SLC17A8: variants seen among roughly 807,000 people sequenced by gnomAD.
SLC17A8 encodes solute carrier family 17 member 8.
A neutral mutation model predicts 58.0 loss-of-function variants in SLC17A8; 31 were observed. The observed-to-expected ratio is 0.53, with a 90% confidence interval of 0.40 to 0.72. SLC17A8 has a LOEUF of 0.72. Ranked by LOEUF, SLC17A8 falls within the 30% of genes least tolerant of loss-of-function variation. The pLI, the probability that SLC17A8 is intolerant of heterozygous loss-of-function variation, is 0.00. For synonymous variants in SLC17A8, 228 were observed against 249.0 expected, an observed-to-expected ratio of 0.92 and a Z score of 0.79; for missense variants, 655 against 727.8, an observed-to-expected ratio of 0.90 and a Z score of 1.15.
intron 2 of SLC17A8, 80 bp from the exon 3 acceptor site, chr12:100,390,921 T>C: frequency 3.3e-6 from 3 of 905,420 alleles, no homozygotes; most frequent in South Asian, 1.3e-5. Context: ...ATGAGGTAAT[T>C]ATTGTGTAGG....
At chr12:100,396,781 T>C (rs1009547405) in intron 5 of SLC17A8, among the ~76,000 whole-genome samples, 1 of 151,702 alleles carries the variant, frequency 6.6e-6, no homozygotes, top group Non-Finnish European at 1.5e-5. Flanking sequence ...ATGGAATGCT[T>C]TTTTGGCTTC....
At chr12:100,399,718 T>A (rs529744916) in intron 5 of SLC17A8, among the ~76,000 whole-genome samples, 1 of 152,286 alleles carries the variant, frequency 6.6e-6, no homozygotes, top group African/African-American at 2.4e-5. Flanking sequence ...CCCACCAGGT[T>A]CTTCCCTCAA....
At chr12:100,416,423 T>A (rs1952906894) in intron 10 of SLC17A8, among the ~76,000 whole-genome samples, 1 of 152,198 alleles carries the variant, frequency 6.6e-6, no homozygotes, top group Non-Finnish European at 1.5e-5. Flanking sequence ...AAAGATAAGG[T>A]ATGTTTATTA....
intron 2 of SLC17A8, among the ~76,000 whole-genome samples, chr12:100,389,479 C>G (rs867921543): frequency 5.3e-4 from 81 of 152,084 alleles, no homozygotes; most frequent in African/African-American, 1.7e-3. Flanking sequence ...AACTTAGTAG[C>G]CCCCCAAAAC....
At chr12:100,400,948 T>C (rs1337276502) in intron 5 of SLC17A8, among the ~76,000 whole-genome samples, 1 of 150,988 alleles carries the variant, frequency 6.6e-6, no homozygotes, top group African/African-American at 2.4e-5. Flanking sequence ...AGGAGCTGAA[T>C]GGAGACAGCA....
At chr12:100,395,609 G>A (rs2135998621) in intron 4 of SLC17A8, among the ~76,000 whole-genome samples, 1 of 151,536 alleles carries the variant, frequency 6.6e-6, no homozygotes, top group South Asian at 2.1e-4. Flanking sequence ...ACAAGCATAA[G>A]CCACTGTGCC....
At chr12:100,371,344 G>T (rs1456271430) in intron 1 of SLC17A8, among the ~76,000 whole-genome samples, 1 of 152,056 alleles carries the variant, frequency 6.6e-6, no homozygotes, top group Non-Finnish European at 1.5e-5. Context: ...TCTGTCTCCA[G>T]GGCATGTTCT....
chr12:100,375,562 C>T (rs192039253), intron 1 of SLC17A8, among the ~76,000 whole-genome samples: 163 of 152,264 alleles, frequency 1.1e-3, no homozygotes, highest in African/African-American at 3.7e-3. Context: ...AGGCGCTGTC[C>T]CCACGCCAAA....
intron 1 of SLC17A8, among the ~76,000 whole-genome samples, chr12:100,378,656 G>T (rs1355886389): frequency 6.6e-6 from 1 of 152,062 alleles, no homozygotes; most frequent in Admixed American, 6.6e-5. Context: ...ATATTCGTGA[G>T]GGGATAAAAG....
intron 2 of SLC17A8, among the ~76,000 whole-genome samples, chr12:100,388,498 T>C (rs1345903891): frequency 6.6e-6 from 1 of 151,992 alleles, no homozygotes; most frequent in Non-Finnish European, 1.5e-5. Flanking sequence ...AGCTAGTTCC[T>C]TTTTACCATT....
rs756851143 is a variant in SLC17A8 at position 100,396,296 on chromosome 12, A to G, written c.589-34A>G. 5 of 1,547,914 alleles carry G rather than the reference A, an allele frequency of 3.2e-6. No individual in the cohort carries two copies. The African/African-American group carries it at 6.8e-5, about 21-fold the overall frequency. On this transcript the variant is annotated intron_variant, in intron 4 of 11. Transcript: ENST00000323346. ...TTAAACACAAGCAGAAACTACAGTC[A>G]AATCAACTAATCTATTTTCAACTCT...
rs754445021 is a variant in SLC17A8 at position 100,421,668 on chromosome 12, T to TTG, written c.*1510_*1511insGT. The stretch of plus-strand genomic sequence containing the variant: ...TTATTATTGTAAAGTGTTTTTTTTT[T>TTG]TTTTTTTTTTTTCTAATTTCTCCCA... On this transcript the variant is annotated 3_prime_UTR_variant, in exon 12 of 12. Transcript: ENST00000323346. 1.6e-4 allele frequency: 13 copies of TTG among 83,506 alleles called. No individual in the cohort carries two copies. Among genetic ancestry groups the TTG allele is most frequent in the Admixed American group, 5.9e-4 (5 of 8,404 alleles). 5.2% of individuals were successfully genotyped at this position (83,506 alleles called of 1,614,324 possible).
At chr12:100,395,083 G>A (rs1313006850) in intron 4 of SLC17A8, among the ~76,000 whole-genome samples, 1 of 151,854 alleles carries the variant, frequency 6.6e-6, no homozygotes, top group East Asian at 1.9e-4. Flanking sequence ...TCTGTATCTT[G>A]AAATGAGTGG....
At chr12:100,387,024 G>GT (rs1466901800) in intron 2 of SLC17A8, among the ~76,000 whole-genome samples, 2 of 152,132 alleles carry the variant, frequency 1.3e-5, no homozygotes, top group African/African-American at 4.8e-5. Flanking sequence ...GGGCATTCAG[G>GT]TTTTTTCCAC....
intron 8 of SLC17A8, 91 bp from the exon 9 acceptor site, chr12:100,403,947 G>T (rs369664998): frequency 7.5e-6 from 11 of 1,459,778 alleles, no homozygotes; most frequent in African/African-American, 1.4e-5. Flanking sequence ...TGGTAGGTAG[G>T]GGGGCTGTGG....
chr12:100,409,167 ATG>A (rs2136011570), intron 9 of SLC17A8, among the ~76,000 whole-genome samples: 1 of 151,596 alleles, frequency 6.6e-6, no homozygotes, highest in South Asian at 2.1e-4. Context: ...GTATGTATGT[ATG>A]TATGTATGTA....
intron 2 of SLC17A8, among the ~76,000 whole-genome samples, chr12:100,387,047 G>T (rs950974552): frequency 6.6e-6 from 1 of 152,124 alleles, no homozygotes; most frequent in African/African-American, 2.4e-5. Flanking sequence ...CTTGGCTATT[G>T]TGAATAATGC....
At chr12:100,389,882 G>A (rs190587643) in intron 2 of SLC17A8, among the ~76,000 whole-genome samples, 42 of 151,812 alleles carry the variant, frequency 2.8e-4, no homozygotes, top group South Asian at 6.3e-4. Flanking sequence ...GTGTAGTGGT[G>A]TGATCTTGGC....
chr12:100,417,202 G>A lies in SLC17A8; in HGVS notation c.1298-827G>A, dbSNP rs370100899. Reference sequence around the variant, plus strand: ...ATTATAGGCGTGAGCAACCATGCCCGGCCAGCAGCATTATCTTTTGATAGA... The same window carrying A: ...ATTATAGGCGTGAGCAACCATGCCCAGCCAGCAGCATTATCTTTTGATAGA... On this transcript the variant is annotated intron_variant, in intron 10 of 11. Transcript: ENST00000323346. Among the ~76,000 whole-genome samples the A allele has an allele frequency of 5.9e-5, 9 of 152,250 alleles. No individual in the cohort carries two copies. The East Asian group carries it at 1.3e-3, about 23-fold the overall frequency.
Sources: gnomAD v4.1 joint callset for allele counts (sites outside exome capture counted in the v4.1 genomes callset) on GRCh38, gnomAD v4.1.1 for gene constraint, MANE v1.5 for transcripts, NCBI Gene and HGNC (gene_info 2026-07-23, HGNC 2026-07-21) for gene names.